The following NID1 variants were observed in gnomAD, a reference collection of about 807,000 sequenced individuals.
NID1 encodes nidogen 1, also known as nidogen-1.
A neutral mutation model predicts 130.6 loss-of-function variants in NID1; 76 were observed. That is an observed-to-expected ratio of 0.58 (90% confidence interval 0.48 to 0.70). The LOEUF (loss-of-function observed/expected upper bound fraction) is 0.70. Among genes scored for constraint, NID1 ranks in the 30% least tolerant of loss-of-function variants. The pLI is 0.00. For missense variants in NID1, 1,517 were observed against 1,664.8 expected (o/e 0.91, Z 1.54); for synonymous variants, 665 against 675.1 (o/e 0.98, Z 0.23).
chr1:235,991,128 C>CACA (rs569425269), intron 13 of NID1, 70 bp from the exon 14 acceptor site: 146 of 1,301,702 alleles, frequency 1.1e-4, no homozygotes, highest in Non-Finnish European at 1.3e-4. Context: ...CACACACACA[C>CACA]CCCCACACAC....
At chr1:236,064,704 C>A in intron 1 of NID1, 151 bp downstream of exon 1, 1 of 700,932 alleles carries the variant, frequency 1.4e-6, no homozygotes. Flanking sequence ...GCGGACCCTG[C>A]AGAGGCGGGA....
In NID1 at chr1:236,056,142, G is replaced by A. The variant is rs151063271; in HGVS notation, c.226-7153C>T. Among the ~76,000 whole-genome samples the A allele has an allele frequency of 1.8e-3, 269 of 152,140 alleles. 1 individual carries two copies. Among genetic ancestry groups the A allele is most frequent in the African/African-American group, 6.2e-3 (257 of 41,508 alleles). The stretch of plus-strand genomic sequence containing the variant: ...TTATAGCACTCATAGAAATTAACTC[G>A]CAATGGATTGAAGAATTAAATGTAA... On this transcript the variant is annotated intron_variant, in intron 1 of 19. Coordinates refer to ENST00000264187, the MANE Select transcript of NID1 (RefSeq NM_002508.3).
At chr1:236,002,497 T>A (rs1658104047) in intron 12 of NID1, among the ~76,000 whole-genome samples, 1 of 144,204 alleles carries the variant, frequency 6.9e-6, no homozygotes, top group Non-Finnish European at 1.5e-5. Context: ...AGCGAGACTC[T>A]GTCTAAAAAC....
intron 3 of NID1, among the ~76,000 whole-genome samples, chr1:236,044,750 T>C (rs1300806752): frequency 2.0e-5 from 3 of 152,228 alleles, no homozygotes; most frequent in African/African-American, 7.2e-5. Context: ...TTCCCTCTTT[T>C]GTCAAATTCT....
intron 7 of NID1, among the ~76,000 whole-genome samples, chr1:236,027,693 G>T (rs183022705): frequency 1.3e-5 from 2 of 152,104 alleles, no homozygotes; most frequent in Non-Finnish European, 2.9e-5. Flanking sequence ...GCCATGCCTG[G>T]TGGTAGGCGC....
At chr1:236,059,774 A>T (rs1299849677) in intron 1 of NID1, among the ~76,000 whole-genome samples, 1 of 152,206 alleles carries the variant, frequency 6.6e-6, no homozygotes, top group African/African-American at 2.4e-5. Context: ...GCAAGTCCAT[A>T]AAGTGAAAGC....
intron 2 of NID1, among the ~76,000 whole-genome samples, chr1:236,046,098 G>T: frequency 6.6e-6 from 1 of 152,100 alleles, no homozygotes; most frequent in East Asian, 1.9e-4. Context: ...CCGTACAGTA[G>T]AAAAAACAAA....
chr1:236,014,217 T>A (rs2385050), intron 10 of NID1, among the ~76,000 whole-genome samples: 1 of 145,582 alleles, frequency 6.9e-6, no homozygotes, highest in Admixed American at 6.9e-5. Flanking sequence ...CCCCACCCCC[T>A]CAACTCTCTC....
At chr1:236,025,167 A>G (rs12123372) in intron 8 of NID1, among the ~76,000 whole-genome samples, 30,112 of 150,360 alleles carry the variant, frequency 0.2, 5,470 homozygotes, top group African/African-American at 0.47. Context: ...GGCCAGGCTG[A>G]TCTCAAAGTC....
chr1:236,061,680 G>C (rs1360679320), intron 1 of NID1, among the ~76,000 whole-genome samples: 1 of 151,824 alleles, frequency 6.6e-6, no homozygotes, highest in African/African-American at 2.4e-5. Context: ...TGGCCAGGCT[G>C]GTCTCATTTA....
At chr1:236,060,825 A>G (rs534375334) in intron 1 of NID1, 2 of 152,256 alleles carry the variant, frequency 1.3e-5, no homozygotes, top group South Asian at 4.1e-4. Context: ...GTGTCTATCA[A>G]AGAAGTAGCC....
chr1:236,016,317 C>T (rs1459364370), intron 10 of NID1, among the ~76,000 whole-genome samples: 6 of 152,150 alleles, frequency 3.9e-5, no homozygotes, highest in African/African-American at 1.4e-4. Flanking sequence ...CCTTGGCAGG[C>T]TTACCCAAGC....
At chr1:236,054,888 C>T (rs942275827) in intron 1 of NID1, among the ~76,000 whole-genome samples, 17 of 152,066 alleles carry the variant, frequency 1.1e-4, no homozygotes, top group South Asian at 1.0e-3. Context: ...GCTATCCGCC[C>T]GCCTCAGCCT....
chr1:236,049,077 C>G (rs752095868), intron 1 of NID1, 88 bp from the exon 2 acceptor site: 1 of 1,332,148 alleles, frequency 7.5e-7, no homozygotes, highest in Non-Finnish European at 1.1e-6. Context: ...ATACTGTCAG[C>G]TGTACCCATG....
chr1:235,992,134 C>T (rs181095355), intron 13 of NID1, among the ~76,000 whole-genome samples: 1 of 152,294 alleles, frequency 6.6e-6, no homozygotes, highest in East Asian at 1.9e-4. Flanking sequence ...GGCCCCTCTA[C>T]TCACTCGCTG....
At chr1:235,991,856 C>T (rs1657750529) in intron 13 of NID1, among the ~76,000 whole-genome samples, 1 of 152,178 alleles carries the variant, frequency 6.6e-6, no homozygotes. Flanking sequence ...CCATACAGTG[C>T]ACTCTGTCCC....
rs753179955 is a variant in NID1, at chr1:236,045,458, T to A, written c.751A>T (p.Lys251Ter). 2 of 1,612,528 alleles carry A rather than the reference T, an allele frequency of 1.2e-6. 1 individual carries two copies. The highest frequency in any genetic ancestry group is 2.2e-5 in the South Asian group (2 of 91,004). Residue 251 changes from lysine (K) to a stop codon, truncating the protein, a stop_gained and splice_region_variant, in exon 3 of 20, where the codon AAG becomes TAG. Transcript: ENST00000264187. LOFTEE classifies it high-confidence loss of function. The stretch of plus-strand genomic sequence containing the variant: ...TACTGAAGAACAAAGAAAGCATACT[T>A]GGCCAAATTTTCAACTGATTCCCTG... Reference protein sequence around the residue: ...NDRESVENLAKSSNSGQQGVW... With the variant: ...NDRESVENLA
intron 5 of NID1, among the ~76,000 whole-genome samples, chr1:236,037,837 G>A (rs1389022520): frequency 6.6e-6 from 1 of 152,202 alleles, no homozygotes; most frequent in Non-Finnish European, 1.5e-5. Flanking sequence ...ACGCAGTTGT[G>A]AAGATGGGCT....
intron 12 of NID1, among the ~76,000 whole-genome samples, chr1:235,998,626 G>A (rs534857906): frequency 6.6e-6 from 1 of 151,954 alleles, no homozygotes; most frequent in South Asian, 2.1e-4. Flanking sequence ...AGTGAGCCAA[G>A]ATTGTGACAT....
Sources: allele counts gnomAD v4.1 joint callset (sites outside exome capture counted in the v4.1 genomes callset), GRCh38; gene constraint gnomAD v4.1.1; transcripts MANE v1.5; gene names NCBI Gene and HGNC (gene_info 2026-07-23, HGNC 2026-07-21).